Variants in ZCCHC9 observed in about 807,000 individuals in gnomAD.
The protein encoded by ZCCHC9 is zinc finger CCHC domain-containing protein 9.
Under a neutral mutation model 30.8 loss-of-function variants are expected in ZCCHC9, and 18 were observed. The observed-to-expected ratio is 0.58, with a 90% CI of 0.40 to 0.87. The LOEUF is 0.87. Among genes scored for constraint, ZCCHC9 ranks in the 40% least tolerant of loss-of-function variants. The pLI is 0.00. For synonymous variants in ZCCHC9, 94 were observed against 106.7 expected, an observed-to-expected ratio of 0.88 and a Z score of 0.73; for missense variants, 279 against 331.2, an observed-to-expected ratio of 0.84 and a Z score of 1.22.
At chr5:81,302,936 CCTTAG>C (rs1402986523) in intron 1 of ZCCHC9, 1 of 151,414 alleles carries the variant, frequency 6.6e-6, no homozygotes, top group East Asian at 1.9e-4. Flanking sequence ...AAGGTAATAA[CCTTAG>C]CTTACTGTGC....
At position 81,308,541 on chromosome 5, in the gene ZCCHC9, C is replaced by T. The variant is rs1440342300; in HGVS notation, c.385-20C>T. 2.5e-6 allele frequency: 4 copies of T among 1,599,454 alleles called. No individual in the cohort carries two copies. The highest frequency in any genetic ancestry group is 1.3e-5 in the African/African-American group (1 of 74,392). ...CTGGTATAGTTTTGCAGCGTGCCAA[C>T]CTACGTTTTGTTTTCCTAGGTGTGT... On this transcript the variant is annotated intron_variant, in intron 2 of 5. Transcript: ENST00000407610.
chr5:81,306,995 A>C (rs1455037194), intron 2 of ZCCHC9, among the ~76,000 whole-genome samples: 1 of 152,046 alleles, frequency 6.6e-6, no homozygotes, highest in Admixed American at 6.6e-5. Flanking sequence ...ATTTAAAGGG[A>C]CTCATTCTTT....
At chr5:81,303,752 A>G (rs1325682229) in intron 1 of ZCCHC9, 1 of 152,246 alleles carries the variant, frequency 6.6e-6, no homozygotes, top group Non-Finnish European at 1.5e-5. Flanking sequence ...TGAGGGCTAC[A>G]AAGTCAATAG....
intron 2 of ZCCHC9, among the ~76,000 whole-genome samples, chr5:81,307,988 C>A (rs1758130842): frequency 8.9e-6 from 1 of 112,182 alleles, no homozygotes; most frequent in South Asian, 3.2e-4. Flanking sequence ...GAGTAAGACT[C>A]CGTCTCAAAA....
rs1758324864 is a variant in ZCCHC9 at position 81,312,596 on chromosome 5, A to G, written c.750A>G (p.Glu250=). The part of the protein sequence containing the change: ...RWAKGMSADY[E]EILDVPKPQK... ...CAAAGGGAATGAGTGCAGACTATGA[A>G]GAAATTTTGGATGTACCTAAACCGC... is the stretch of plus-strand genomic sequence containing the variant. Residue 250 remains glutamate (E), a synonymous_variant, in exon 6 of 6, where the codon GAA becomes GAG. Transcript: ENST00000407610. 6.2e-7 allele frequency: 1 copy of G among 1,613,916 alleles called. No homozygotes were observed.
rs368180212 is a variant in ZCCHC9 at position 81,307,008 on chromosome 5, C to T, written c.385-1553C>T. Among the ~76,000 whole-genome samples the T allele has an allele frequency of 6.6e-5, 10 of 151,802 alleles. No homozygotes were observed. The East Asian group carries it at 9.6e-4, about 15-fold the overall frequency. ...GAATTTAAAGGGACTCATTCTTTTT[C>T]AATATTTTATTAAGTAGGAAAAAAA... On this transcript the variant is annotated intron_variant, in intron 2 of 5. Transcript: ENST00000407610.
chr5:81,312,275 T>C (rs1758313132), intron 5 of ZCCHC9, among the ~76,000 whole-genome samples: 1 of 152,238 alleles, frequency 6.6e-6, no homozygotes, highest in African/African-American at 2.4e-5. Context: ...TGATGAACTC[T>C]GGGAAAGAAT....
chr5:81,307,829 T>C (rs1270901707), intron 2 of ZCCHC9, among the ~76,000 whole-genome samples: 1 of 150,328 alleles, frequency 6.7e-6, no homozygotes, highest in African/African-American at 2.4e-5. Flanking sequence ...AAACCCCGTC[T>C]CCACTAAAAG....
intron 4 of ZCCHC9, among the ~76,000 whole-genome samples, chr5:81,310,235 C>T (rs1315791754): frequency 2.7e-5 from 4 of 149,988 alleles, no homozygotes; most frequent in African/African-American, 9.8e-5. Context: ...CCATATTTGC[C>T]TGTGTGTGCC....
chr5:81,309,159 C>A, intron 4 of ZCCHC9, 121 bp downstream of exon 4: 1 of 725,380 alleles, frequency 1.4e-6, no homozygotes, highest in Non-Finnish European at 2.2e-6. Flanking sequence ...TTGAGAATTA[C>A]ATTATTTTTA....
intron 5 of ZCCHC9, among the ~76,000 whole-genome samples, chr5:81,311,575 GTTAC>G (rs59427925): frequency 1.5e-4 from 23 of 152,190 alleles, no homozygotes; most frequent in African/African-American, 4.1e-4. Flanking sequence ...AGCCAATTCT[GTTAC>G]TTACAGAAAA....
In ZCCHC9 at chr5:81,312,814, G is replaced by T. The variant is rs146249074; in HGVS notation, c.*152G>T. ...GGCCAAAAACAATTTTCTTTATTCT[G>T]TCTATCAAATAGTACTTCTACCACT... On this transcript the variant is annotated 3_prime_UTR_variant, in exon 6 of 6. Transcript: ENST00000407610. The T allele has an allele frequency of 3.6e-6, 2 of 549,982 alleles. No homozygotes were observed. The highest frequency in any genetic ancestry group is 6.5e-6 in the Non-Finnish European group (2 of 305,712). The allele number at this position is 549,982 out of a possible 1,614,324, so 34.1% of individuals were successfully genotyped here.
intron 2 of ZCCHC9, among the ~76,000 whole-genome samples, chr5:81,308,029 C>CTGTT (rs1758139129): frequency 7.6e-6 from 1 of 131,464 alleles, no homozygotes; most frequent in African/African-American, 3.0e-5. Flanking sequence ...AAAAATCTAT[C>CTGTT]TATCTATCTA....
Position 81,304,949 on chromosome 5 carries a change from A to T in ZCCHC9, c.192A>T (p.Lys64Asn). The T allele has an allele frequency of 6.2e-7, 1 of 1,613,872 alleles. No homozygotes were observed. Among genetic ancestry groups the T allele is most frequent in the Non-Finnish European group, 8.5e-7 (1 of 1,179,986 alleles). The change falls in exon 2 of 6, where the codon AAA becomes AAT. Residue 64 changes from lysine to asparagine, a missense_variant. Transcript: ENST00000407610. ...PQAKHKKNKK[K>N]KEYLNEDVNG... Reference sequence around the variant, plus strand: ...CAAAACATAAAAAGAACAAAAAGAAAAAAGAGTACTTAAATGAAGATGTGA... The same window carrying T: ...CAAAACATAAAAAGAACAAAAAGAATAAAGAGTACTTAAATGAAGATGTGA...
intron 4 of ZCCHC9, among the ~76,000 whole-genome samples, chr5:81,309,838 C>T (rs1045942368): frequency 2.6e-5 from 4 of 152,110 alleles, no homozygotes; most frequent in Admixed American, 6.5e-5. Context: ...ATTTTAATCT[C>T]TTGGAAATCA....
rs1245049419 is a variant in ZCCHC9 at position 81,308,508 on chromosome 5, TAA to T, written c.385-51_385-50del. On this transcript the variant is annotated intron_variant, in intron 2 of 5. Transcript: ENST00000407610. ...ATATGTTTTTGATAACAAGAATTAA[TAA>T]AGTCACTGGTATAGTTTTGCAGCGT... 12 of 1,486,340 alleles carry T rather than the reference TAA, an allele frequency of 8.1e-6. No homozygotes were observed. The African/African-American group carries it at 1.6e-4, about 20-fold the overall frequency. The allele number at this position is 1,486,340 out of a possible 1,614,324, so 92.1% of individuals were successfully genotyped here. A position where few individuals can be genotyped will look rare whatever the true frequency, so the allele number is the denominator to read the frequency against.
chr5:81,308,534 G>T, intron 2 of ZCCHC9, 27 bp from the exon 3 acceptor site: 1 of 1,593,542 alleles, frequency 6.3e-7, no homozygotes, highest in Non-Finnish European at 8.5e-7. Flanking sequence ...GTTTTGCAGC[G>T]TGCCAACCTA....
chr5:81,302,219 C>T (rs1757977178), intron 1 of ZCCHC9: 1 of 152,642 alleles, frequency 6.6e-6, no homozygotes, highest in South Asian at 2.1e-4. Flanking sequence ...CGCCTGTAAT[C>T]CCAGCACTTT....
intron 3 of ZCCHC9, 47 bp from the exon 4 acceptor site, chr5:81,308,899 C>A: frequency 6.6e-7 from 1 of 1,507,004 alleles, no homozygotes; most frequent in Non-Finnish European, 9.0e-7. Context: ...AATTTTATGA[C>A]TTGCCATATG....
Sources: gnomAD v4.1 joint callset for allele counts (sites outside exome capture counted in the v4.1 genomes callset) on GRCh38, gnomAD v4.1.1 for gene constraint, MANE v1.5 for transcripts, NCBI Gene and HGNC (gene_info 2026-07-23, HGNC 2026-07-21) for gene names.